PLCB2: variants seen among roughly 807,000 people sequenced by gnomAD.
The protein encoded by PLCB2 is 1-phosphatidylinositol 4,5-bisphosphate phosphodiesterase beta-2.
PLCB2 carries 115 observed loss-of-function variants against 141.7 expected under a neutral mutation model. The ratio of observed to expected loss-of-function variants is 0.81; its 90% CI spans 0.70 to 0.95. The LOEUF (loss-of-function observed/expected upper bound fraction) is 0.95, where lower values mean the gene tolerates loss of function less well. PLCB2 is among the 40% of genes least tolerant of loss of function. The pLI, the probability that PLCB2 is intolerant of heterozygous loss-of-function variation, is 0.00. For missense variants in PLCB2, 1,403 were observed against 1,541.1 expected (o/e 0.91, Z 1.50); for synonymous variants, 603 against 595.6 (o/e 1.01, Z -0.18).
At chr15:40,298,769 A>C in intron 9 of PLCB2, 29 bp downstream of exon 9, 2 of 1,610,416 alleles carry the variant, frequency 1.2e-6, no homozygotes, top group African/African-American at 2.7e-5. Flanking sequence ...ACAGGACCAC[A>C]GGGGACAAGG....
chr15:40,284,342 C>T (rs1258757073), downstream of PLCB2: 2 of 333,166 alleles, frequency 6.0e-6, no homozygotes, highest in Non-Finnish European at 1.2e-5. Flanking sequence ...AATCTCGGTT[C>T]TGGGTGCGAG....
intron 13 of PLCB2, 47 bp from the exon 14 acceptor site, chr15:40,296,955 A>G (rs769889770): frequency 1.9e-6 from 3 of 1,602,692 alleles, no homozygotes; most frequent in Middle Eastern, 1.8e-4. Context: ...CCTTCATGGC[A>G]TAGCCTGAGC....
At chr15:40,284,976 TAAGGG>T (rs2039590339), downstream of PLCB2, among the ~76,000 whole-genome samples, 1 of 147,988 alleles carries the variant, frequency 6.8e-6, no homozygotes, top group African/African-American at 2.5e-5. Context: ...AGACAGGAAA[TAAGGG>T]AAGAATGATG....
chr15:40,290,127 G>A (rs970974034), intron 29 of PLCB2, 45 bp from the exon 30 acceptor site: 3 of 1,176,140 alleles, frequency 2.6e-6, no homozygotes, highest in Middle Eastern at 1.9e-4. Flanking sequence ...AAACCCCTAG[G>A]GAGAGTAGGG....
chr15:40,296,384 C>T lies in PLCB2; in HGVS notation c.1608G>A (p.Ala536=), dbSNP rs779503405. 69 of 1,613,598 alleles carry T rather than the reference C, an allele frequency of 4.3e-5. No homozygotes were observed. The highest frequency in any genetic ancestry group is 3.6e-5 in the Non-Finnish European group (43 of 1,179,870). Reference sequence around the variant, plus strand: ...CCTCATAAGCCGTCACTTCCAGGCCCGCTGTGCCCTAAGGAGAAGAGGGGA... The same window carrying T: ...CCTCATAAGCCGTCACTTCCAGGCCTGCTGTGCCCTAAGGAGAAGAGGGGA... ...IKKMQSDEGT[A]GLEVTAYEEM... is the part of the protein sequence containing the mutation. The change falls in exon 16 of 32, where the codon GCG becomes GCA. Residue 536 remains alanine (A), a synonymous_variant. Coordinates refer to ENST00000260402, the MANE Select transcript of PLCB2 (RefSeq NM_004573.3).
intron 11 of PLCB2, 97 bp from the exon 12 acceptor site, chr15:40,298,056 T>C (rs1007183787): frequency 5.2e-6 from 6 of 1,164,814 alleles, no homozygotes; most frequent in Non-Finnish European, 7.5e-6. Flanking sequence ...AATACACACA[T>C]ATAACTGCAT....
At chr15:40,307,357 G>A (rs2141208846) in intron 1 of PLCB2, among the ~76,000 whole-genome samples, 1 of 152,240 alleles carries the variant, frequency 6.6e-6, no homozygotes, top group South Asian at 2.1e-4. Context: ...GACCACCCAG[G>A]CAGCTCACCC....
chr15:40,298,405 T>C, intron 10 of PLCB2, 25 bp from the exon 11 acceptor site: 8 of 1,573,830 alleles, frequency 5.1e-6, no homozygotes, highest in Non-Finnish European at 6.1e-6. Context: ...GGGGAAGAGG[T>C]GAGGGCATCA....
At position 40,293,593 on chromosome 15, in the gene PLCB2, AG is replaced by A. The variant is rs1206926787; in HGVS notation, c.2192del (p.Pro731LeufsTer14). On this transcript the variant is annotated frameshift_variant, in exon 20 of 32. Transcript: ENST00000260402. LOFTEE classifies it high-confidence loss of function. ...KLSPSTNSIN[P>X]VWKEEPFVFE... ...AGACAAAGGGCTCCTCCTTCCAGAC[AG>A]GATTGATGGAGTTAGTACTGGGTGA... is the stretch of plus-strand genomic sequence containing the variant. 4 of 1,613,942 alleles carry A rather than the reference AG, an allele frequency of 2.5e-6. No homozygotes were observed. The African/African-American group carries it at 5.3e-5, about 22-fold the overall frequency.
chr15:40,291,118 C>G lies in PLCB2; in HGVS notation c.2936G>C (p.Arg979Pro). 2 of 1,577,408 alleles carry G rather than the reference C, an allele frequency of 1.3e-6. No individual in the cohort carries two copies. The highest frequency in any genetic ancestry group is 1.3e-5 in the African/African-American group (1 of 74,486). Residue 979 changes from arginine to proline, a missense_variant, in exon 27 of 32, where the codon CGC becomes CCC. By Grantham distance (103) the Arg-to-Pro change is moderately radical. Around this residue, in one of 4 missense-constraint regions of PLCB2, gnomAD observed 290 missense variants for 245.9 expected, o/e 1.18. Transcript: ENST00000260402. ...CAGCCTGTCTTTCAGCTCCCGCACG[C>G]GCCCGTCCACGCCCTCAGGGCCCTC... ...PGEGPEGVDG[R>P]VRELKDRLEL...
intron 8 of PLCB2, 66 bp from the exon 9 acceptor site, chr15:40,299,030 G>A: frequency 6.3e-7 from 1 of 1,582,792 alleles, no homozygotes; most frequent in Non-Finnish European, 8.6e-7. Context: ...CAACCCCCTT[G>A]TCCAGTGAAG....
downstream of PLCB2, chr15:40,285,926 A>G (rs1000221627): frequency 1.2e-5 from 12 of 985,386 alleles, no homozygotes; most frequent in African/African-American, 1.7e-5. Flanking sequence ...GGATTGAGAC[A>G]GTTCCAGGGA....
At position 40,303,306 on chromosome 15, in the gene PLCB2, C is replaced by G; in HGVS notation, c.213G>C (p.Lys71Asn). ...ITSIRDTRFGKFAKMPKSQKL... is the reference protein window; with the variant it reads ...ITSIRDTRFGNFAKMPKSQKL... ...CACCTACCTTGGGCATCTTGGCAAA[C>G]TTCCCAAAGCGAGTATCCCGGATGC... The change falls in exon 3 of 32, where the codon AAG becomes AAC. Residue 71 changes from lysine to asparagine, a missense_variant. Lys to Asn is a moderately conservative substitution (Grantham distance 94). Around this residue, in one of 4 missense-constraint regions of PLCB2, gnomAD observed 975 missense variants for 1,141.1 expected, o/e 0.85. Coordinates refer to ENST00000260402, the MANE Select transcript of PLCB2 (RefSeq NM_004573.3). 1 of 1,613,804 alleles carries G rather than the reference C, an allele frequency of 6.2e-7. No individual in the cohort carries two copies. The highest frequency in any genetic ancestry group is 8.5e-7 in the Non-Finnish European group (1 of 1,179,676).
intron 1 of PLCB2, among the ~76,000 whole-genome samples, chr15:40,307,288 C>G (rs1400613451): frequency 6.6e-6 from 1 of 152,156 alleles, no homozygotes; most frequent in South Asian, 2.1e-4. Context: ...GCACTTTCCT[C>G]CTCTTCTCTT....
Position 40,307,595 on chromosome 15 carries a change from C to T in PLCB2, c.78G>A (p.Trp26Ter). 1 of 1,584,462 alleles carries T rather than the reference C, an allele frequency of 6.3e-7. No homozygotes were observed. The highest frequency in any genetic ancestry group is 8.6e-7 in the Non-Finnish European group (1 of 1,162,202). The change falls in exon 1 of 32, where the codon TGG (tryptophan) becomes TGA (stop). Residue 26 changes from tryptophan to a stop codon, truncating the protein, a stop_gained. Coordinates refer to ENST00000260402, the MANE Select transcript of PLCB2 (RefSeq NM_004573.3). LOFTEE classifies it high-confidence loss of function. ...YLSQGERFIK[W>*]DDETTVASPV... ...AGGCCCCTGCCCCACTTACATCATC[C>T]CATTTGATGAAGCGCTCCCCTTGGC...
chr15:40,291,445 C>T lies in PLCB2; in HGVS notation c.2690G>A (p.Gly897Asp). Residue 897 changes from glycine (G) to aspartate (D), a missense_variant, in exon 26 of 32, where the codon GGC becomes GAC. Transcript: ENST00000260402. The part of the protein sequence containing the change: ...ASLEELRELK[G>D]VVKLQRRHEK... The stretch of plus-strand genomic sequence containing the variant: ...GTGCCGCCGCTGCAGCTTCACCACG[C>T]CCTTTAGCTCCCGGAGCTCCTCCAG... 1 of 1,552,384 alleles carries T rather than the reference C, an allele frequency of 6.4e-7. No homozygotes were observed.
chr15:40,306,965 A>C (rs976706615), intron 1 of PLCB2, among the ~76,000 whole-genome samples: 1 of 152,252 alleles, frequency 6.6e-6, no homozygotes, highest in Non-Finnish European at 1.5e-5. Context: ...TGCAGGGTGC[A>C]GCAGTGTCTT....
At chr15:40,290,545 G>T (rs760330514) in intron 29 of PLCB2, 32 bp downstream of exon 29, 2 of 1,523,994 alleles carry the variant, frequency 1.3e-6, no homozygotes, top group South Asian at 2.2e-5. Context: ...AGTGGGGTCT[G>T]CCCAGCCCTG....
At chr15:40,286,271 C>T (rs759177299), downstream of PLCB2, among the ~76,000 whole-genome samples, 3 of 152,086 alleles carry the variant, frequency 2.0e-5, no homozygotes, top group Non-Finnish European at 4.4e-5. Context: ...ACCTGCTGGG[C>T]CTGTCCTCCC....
Sources: gnomAD v4.1 joint callset for allele counts (sites outside exome capture counted in the v4.1 genomes callset) on GRCh38, gnomAD v4.1.1 for gene constraint, gnomAD v4.1.1 regional missense constraint, MANE v1.5 for transcripts, NCBI Gene and HGNC (gene_info 2026-07-23, HGNC 2026-07-21) for gene names.